The following STX6 variants were observed in gnomAD, a reference collection of about 807,000 sequenced individuals.
STX6 encodes syntaxin-6.
STX6 carries 23 observed loss-of-function variants against 38.0 expected under a neutral mutation model. The observed-to-expected ratio is 0.60, with a 90% CI of 0.43 to 0.86. The LOEUF is 0.86. Among genes scored for constraint, STX6 ranks in the 40% least tolerant of loss-of-function variants. The pLI is 0.00. For missense variants in STX6, 274 were observed against 312.9 expected, an observed-to-expected ratio of 0.88 and a Z score of 0.94; for synonymous variants, 123 against 107.5, an observed-to-expected ratio of 1.14 and a Z score of -0.89.
intron 1 of STX6, among the ~76,000 whole-genome samples, chr1:181,015,285 T>C (rs1004499660): frequency 2.0e-5 from 3 of 152,230 alleles, no homozygotes; most frequent in Non-Finnish European, 4.4e-5. Context: ...TCCATTTGCC[T>C]AAAACCAAAT....
intron 3 of STX6, among the ~76,000 whole-genome samples, chr1:180,998,776 T>C (rs1655988768): frequency 6.6e-6 from 1 of 152,244 alleles, no homozygotes; most frequent in Non-Finnish European, 1.5e-5. Context: ...TCTTAAACTA[T>C]GTTACTAAAT....
At chr1:180,983,846 C>T (rs937672092) in intron 7 of STX6, among the ~76,000 whole-genome samples, 8 of 151,664 alleles carry the variant, frequency 5.3e-5, no homozygotes, top group African/African-American at 1.7e-4. Flanking sequence ...GGGCAGATCA[C>T]GAGGTCAGGA....
At position 180,976,362 on chromosome 1, in the gene STX6, G is replaced by A. The variant is rs1425440756; in HGVS notation, c.*208C>T. 3.6e-6 allele frequency: 2 copies of A among 554,810 alleles called. No homozygotes were observed. Among genetic ancestry groups the A allele is most frequent in the African/African-American group, 3.8e-5 (2 of 52,984 alleles). 34.4% of individuals were successfully genotyped at this position (554,810 alleles called of 1,614,324 possible). On this transcript the variant is annotated 3_prime_UTR_variant, in exon 8 of 8. Transcript: ENST00000258301. ...TTCTGTTGTCCAGCTGCAGCCAGGA[G>A]TGCAGACATCTATTTCCTCTTCCCA... is the stretch of plus-strand genomic sequence containing the variant.
Position 180,997,939 on chromosome 1 carries a change from GT to G in STX6, c.301-4515del, listed in dbSNP as rs1655960777. On this transcript the variant is annotated intron_variant, in intron 3 of 7. Transcript: ENST00000258301. The stretch of plus-strand genomic sequence containing the variant: ...AACGAAGAGGCATTTTCTCTTCAAA[GT>G]TTTTTCATCAGGATTATTTGCATTT... 2.6e-5 allele frequency among the ~76,000 whole-genome samples: 4 copies of G among 152,276 alleles called. No homozygotes were observed. The South Asian group carries it at 8.3e-4, about 32-fold the overall frequency.
chr1:180,994,968 A>AT lies in STX6; in HGVS notation c.301-1544dup, dbSNP rs35603304. 3.5e-3 allele frequency among the ~76,000 whole-genome samples: 499 copies of AT among 144,636 alleles called. 4 individuals are homozygous for AT. The highest frequency in any genetic ancestry group is 0.029 in the South Asian group (133 of 4,532). 94.9% of individuals were successfully genotyped at this position (144,636 alleles called of 152,430 possible). On this transcript the variant is annotated intron_variant, in intron 3 of 7. Coordinates refer to ENST00000258301, the MANE Select transcript of STX6 (RefSeq NM_005819.6). Reference sequence around the variant, plus strand: ...TATGTATCAAGAAATTTAAAAAAAAATTTTTTTTTTTTTTTGAGACAGTCT... The same window carrying AT: ...TATGTATCAAGAAATTTAAAAAAAAATTTTTTTTTTTTTTTTGAGACAGTCT...
At position 180,975,868 on chromosome 1, in the gene STX6, T is replaced by C. The variant is rs1227175620; in HGVS notation, c.*702A>G. Reference sequence around the variant, plus strand: ...GCCAATGCAGAACCCTCTTGCTCTTTTTAATTGCTCCTGTCAGTTAAAGCC... The same window carrying C: ...GCCAATGCAGAACCCTCTTGCTCTTCTTAATTGCTCCTGTCAGTTAAAGCC... On this transcript the variant is annotated 3_prime_UTR_variant, in exon 8 of 8. Coordinates refer to ENST00000258301, the MANE Select transcript of STX6 (RefSeq NM_005819.6). 1 of 152,354 alleles carries C rather than the reference T, an allele frequency of 6.6e-6. No homozygotes were observed. Among genetic ancestry groups the C allele is most frequent in the East Asian group, 1.9e-4 (1 of 5,206 alleles). 9.4% of individuals were successfully genotyped at this position (152,354 alleles called of 1,614,324 possible).
At chr1:181,005,485 G>C in intron 1 of STX6, 22 bp from the exon 2 acceptor site, 1 of 1,599,668 alleles carries the variant, frequency 6.3e-7, no homozygotes, top group Non-Finnish European at 8.5e-7. Context: ...ATGAGGCAAA[G>C]GAGAGAAATC....
Position 180,975,649 on chromosome 1 carries a change from G to T in STX6, c.*921C>A, listed in dbSNP as rs924187223. The T allele has an allele frequency of 6.6e-6, 1 of 152,156 alleles. No individual in the cohort carries two copies. Among genetic ancestry groups the T allele is most frequent in the African/African-American group, 2.4e-5 (1 of 41,416 alleles). The allele number at this position is 152,156 out of a possible 1,614,324, so 9.4% of individuals were successfully genotyped here. ...AGTGTAGAGTGCCCTAAGAGTAAAAGAACTGTAATGAGGACAATCTGGTAT... is the reference window on the plus strand; with the variant it reads ...AGTGTAGAGTGCCCTAAGAGTAAAATAACTGTAATGAGGACAATCTGGTAT... On this transcript the variant is annotated 3_prime_UTR_variant, in exon 8 of 8. Coordinates refer to ENST00000258301, the MANE Select transcript of STX6 (RefSeq NM_005819.6).
intron 3 of STX6, among the ~76,000 whole-genome samples, chr1:180,995,911 C>T (rs373344361): frequency 2.2e-4 from 34 of 152,224 alleles, no homozygotes; most frequent in African/African-American, 7.7e-4. Context: ...TCTGGGGGTG[C>T]TGGTAACACC....
rs1655186926 is a variant in STX6 at position 180,973,977 on chromosome 1, T to G, written c.*2593A>C. ...AGCCCCAAATACTATAAAGATGCACTTATAAGCAGTGTGGGGTTATCACCA... is the reference window on the plus strand; with the variant it reads ...AGCCCCAAATACTATAAAGATGCACGTATAAGCAGTGTGGGGTTATCACCA... On this transcript the variant is annotated 3_prime_UTR_variant, in exon 8 of 8. Coordinates refer to ENST00000258301, the MANE Select transcript of STX6 (RefSeq NM_005819.6). The G allele has an allele frequency of 6.6e-6, 1 of 152,246 alleles. No individual in the cohort carries two copies. The highest frequency in any genetic ancestry group is 1.5e-5 in the Non-Finnish European group (1 of 68,042). 9.4% of individuals were successfully genotyped at this position (152,246 alleles called of 1,614,324 possible).
intron 6 of STX6, 146 bp from the exon 7 acceptor site, chr1:180,984,917 C>T: frequency 2.1e-6 from 1 of 478,518 alleles, no homozygotes; most frequent in Non-Finnish European, 3.8e-6. Flanking sequence ...ATCCAAAATC[C>T]TTGGGACAAG....
chr1:181,015,454 T>C (rs985565825), intron 1 of STX6, among the ~76,000 whole-genome samples: 8 of 150,350 alleles, frequency 5.3e-5, no homozygotes, highest in African/African-American at 1.0e-4. Flanking sequence ...TCCTCCTCCT[T>C]ACCTTGCACA....
intron 1 of STX6, among the ~76,000 whole-genome samples, chr1:181,006,517 T>C (rs933316526): frequency 1.3e-5 from 2 of 151,796 alleles, no homozygotes; most frequent in African/African-American, 2.4e-5. Flanking sequence ...TCTAATACTA[T>C]CACATATAAA....
At chr1:180,988,507 C>T (rs891155106) in intron 5 of STX6, 162 bp from the exon 6 acceptor site, 2 of 583,008 alleles carry the variant, frequency 3.4e-6, no homozygotes, top group African/African-American at 3.7e-5. Context: ...TGAGAACACA[C>T]TGCTCAAAAG....
chr1:180,983,340 A>G (rs1399578826), intron 7 of STX6, among the ~76,000 whole-genome samples: 1 of 152,268 alleles, frequency 6.6e-6, no homozygotes, highest in Non-Finnish European at 1.5e-5. Context: ...ATGTTCTAAC[A>G]CAAGGGAGGT....
chr1:181,005,219 C>T, intron 2 of STX6, 75 bp downstream of exon 2: 2 of 1,543,374 alleles, frequency 1.3e-6, no homozygotes. Flanking sequence ...CATCTACATA[C>T]TGGAAACAAC....
In STX6 at chr1:180,975,715, A is replaced by C. The variant is rs1255793951; in HGVS notation, c.*855T>G. ...TGTGTTACTGAGCTGTTTAGCAACA[A>C]CATATGTAGCAATCACCCTCAAAAC... On this transcript the variant is annotated 3_prime_UTR_variant, in exon 8 of 8. Coordinates refer to ENST00000258301, the MANE Select transcript of STX6 (RefSeq NM_005819.6). The C allele has an allele frequency of 1.3e-5, 2 of 152,250 alleles. No homozygotes were observed. Among genetic ancestry groups the C allele is most frequent in the African/African-American group, 4.8e-5 (2 of 41,460 alleles). The allele number at this position is 152,250 out of a possible 1,614,324, so 9.4% of individuals were successfully genotyped here.
Position 181,022,758 on chromosome 1 carries a change from C to G in STX6, c.-85G>C. On this transcript the variant is annotated 5_prime_UTR_variant, in exon 1 of 8. Coordinates refer to ENST00000258301, the MANE Select transcript of STX6 (RefSeq NM_005819.6). Reference sequence around the variant, plus strand: ...TCTCCCTCCGCCCACCCCGCCTGTTCCCGCAGCTGCCCGCGCCTTAGTCTG... The same window carrying G: ...TCTCCCTCCGCCCACCCCGCCTGTTGCCGCAGCTGCCCGCGCCTTAGTCTG... 7.4e-7 allele frequency: 1 copy of G among 1,349,874 alleles called. No individual in the cohort carries two copies. The highest frequency in any genetic ancestry group is 1.0e-6 in the Non-Finnish European group (1 of 972,508). 83.6% of individuals were successfully genotyped at this position (1,349,874 alleles called of 1,614,324 possible).
At chr1:181,021,089 TTAG>T (rs1336882591) in intron 1 of STX6, among the ~76,000 whole-genome samples, 14 of 152,130 alleles carry the variant, frequency 9.2e-5, no homozygotes, top group Non-Finnish European at 1.8e-4. Flanking sequence ...TGAGCAAGCA[TTAG>T]TAGACTGTAT....
Sources: allele counts gnomAD v4.1 joint callset (sites outside exome capture counted in the v4.1 genomes callset), GRCh38; gene constraint gnomAD v4.1.1; transcripts MANE v1.5; gene names NCBI Gene and HGNC (gene_info 2026-07-23, HGNC 2026-07-21).